SFSWAP: variants seen among roughly 807,000 people sequenced by gnomAD.
SFSWAP encodes the protein splicing factor, suppressor of white-apricot homolog.
In SFSWAP, 17 loss-of-function variants were observed where a neutral mutation model predicts 100.7. The ratio of observed to expected loss-of-function variants is 0.17; its 90% CI spans 0.12 to 0.25. SFSWAP has a LOEUF of 0.25. Ranked by LOEUF, SFSWAP falls within the 10% of genes least tolerant of loss-of-function variation. SFSWAP has a pLI of 1.00. For missense variants in SFSWAP, 1,005 were observed against 1,262.6 expected (o/e 0.80, Z 3.09); for synonymous variants, 504 against 510.1 (o/e 0.99, Z 0.16).
At chr12:131,754,930 A>G (rs931922899) in intron 9 of SFSWAP, among the ~76,000 whole-genome samples, 2 of 152,040 alleles carry the variant, frequency 1.3e-5, no homozygotes, top group African/African-American at 2.4e-5. Context: ...ACCACGCCCA[A>G]CCAATGTCTT....
chr12:131,711,208 C>T lies in SFSWAP; in HGVS notation c.-22C>T, dbSNP rs1877287326. ...GTCGCGCGGCACAGAAGAGGACCAG[C>T]CTGGACGCCGGGGACGCTGTCATGT... On this transcript the variant is annotated 5_prime_UTR_variant, in exon 1 of 18. Coordinates refer to ENST00000261674, the MANE Select transcript of SFSWAP (RefSeq NM_004592.4). This position sits in a 1 kb window ranked among gnomAD's most constrained non-coding sequence, Gnocchi z 4.9. The T allele has an allele frequency of 1.9e-6, 3 of 1,564,424 alleles. No individual in the cohort carries two copies. The highest frequency in any genetic ancestry group is 2.6e-6 in the Non-Finnish European group (3 of 1,158,354).
intron 10 of SFSWAP, 74 bp from the exon 11 acceptor site, chr12:131,756,399 C>A: frequency 2.4e-6 from 3 of 1,227,524 alleles, no homozygotes; most frequent in Non-Finnish European, 3.5e-6. Flanking sequence ...AAACATATAC[C>A]GTATACATCT....
intron 7 of SFSWAP, among the ~76,000 whole-genome samples, chr12:131,752,492 G>C (rs188977790): frequency 3.7e-4 from 57 of 152,332 alleles, no homozygotes; most frequent in Non-Finnish European, 6.5e-4. Flanking sequence ...ATACATCACT[G>C]TCTGTGATGG....
chr12:131,777,558 G>A (rs939048557), intron 13 of SFSWAP, among the ~76,000 whole-genome samples: 4 of 152,152 alleles, frequency 2.6e-5, no homozygotes, highest in Non-Finnish European at 4.4e-5. Flanking sequence ...GGACGTTTGC[G>A]TTGGTTCGAA....
chr12:131,779,428 T>C (rs1183709413), intron 14 of SFSWAP, among the ~76,000 whole-genome samples: 1 of 152,088 alleles, frequency 6.6e-6, no homozygotes, highest in East Asian at 1.9e-4. Flanking sequence ...CAGCAGAAAT[T>C]AAAAATGTAA....
chr12:131,772,331 G>A (rs960822482), intron 13 of SFSWAP, among the ~76,000 whole-genome samples: 3 of 152,166 alleles, frequency 2.0e-5, no homozygotes, highest in Non-Finnish European at 2.9e-5. Flanking sequence ...ACATATTCAG[G>A]TACAGTTGTA....
At chr12:131,732,154 C>A (rs1879576730) in intron 7 of SFSWAP, among the ~76,000 whole-genome samples, 1 of 152,210 alleles carries the variant, frequency 6.6e-6, no homozygotes, top group East Asian at 1.9e-4. Flanking sequence ...AGGTGATCCG[C>A]CCACCTCAGC....
rs1884195999 is a variant in SFSWAP at position 131,778,380 on chromosome 12, C to CGGA, written c.2408+50_2408+51insGGA. ...CTGGTACCCTCATGACCCCCATGTC[C>CGGA]TTCACAGGACACCCAGTAGAGCTAG... On this transcript the variant is annotated intron_variant, in intron 14 of 17. Coordinates refer to ENST00000261674, the MANE Select transcript of SFSWAP (RefSeq NM_004592.4). This position sits in a 1 kb window ranked among gnomAD's most constrained non-coding sequence, Gnocchi z 4.2. 1.3e-6 allele frequency: 2 copies of CGGA among 1,581,356 alleles called. No individual in the cohort carries two copies. Among genetic ancestry groups the CGGA allele is most frequent in the African/African-American group, 2.7e-5 (2 of 73,002 alleles).
At chr12:131,788,955 C>T (rs1243507154) in intron 15 of SFSWAP, among the ~76,000 whole-genome samples, 7 of 152,094 alleles carry the variant, frequency 4.6e-5, no homozygotes, top group South Asian at 4.2e-4. Context: ...TGCCCACTAC[C>T]GAGATTTGCT....
In SFSWAP at chr12:131,730,492, G is replaced by A. The variant is rs999131897; in HGVS notation, c.1081+2064G>A. On this transcript the variant is annotated intron_variant, in intron 7 of 17. Coordinates refer to ENST00000261674, the MANE Select transcript of SFSWAP (RefSeq NM_004592.4). The surrounding 1 kb of genome is among the most constrained non-coding windows in gnomAD (Gnocchi z 4.0). The stretch of plus-strand genomic sequence containing the variant: ...CCGCAGGACCAGGCAGGATGGTGGA[G>A]CCGGCTGGTAGTGGCCGTTCTGTGA... Among the ~76,000 whole-genome samples, 1 of 152,232 alleles carries A rather than the reference G, an allele frequency of 6.6e-6. No homozygotes were observed. Among genetic ancestry groups the A allele is most frequent in the Non-Finnish European group, 1.5e-5 (1 of 68,044 alleles).
intron 11 of SFSWAP, among the ~76,000 whole-genome samples, chr12:131,759,515 G>A (rs1882463980): frequency 6.6e-6 from 1 of 152,160 alleles, no homozygotes; most frequent in Admixed American, 6.5e-5. Context: ...TATGAAAATA[G>A]TAGGCCGGGC....
At chr12:131,745,362 C>G (rs1324805201) in intron 7 of SFSWAP, among the ~76,000 whole-genome samples, 1 of 152,090 alleles carries the variant, frequency 6.6e-6, no homozygotes, top group African/African-American at 2.4e-5. Context: ...GAGATGAAGT[C>G]AGAAGTCATG....
At chr12:131,750,311 T>C (rs532487879) in intron 7 of SFSWAP, among the ~76,000 whole-genome samples, 3 of 152,326 alleles carry the variant, frequency 2.0e-5, no homozygotes, top group South Asian at 4.1e-4. Context: ...CGTCCCACAT[T>C]CTCTGTCGGC....
At chr12:131,727,106 A>G (rs1256362377) in intron 6 of SFSWAP, 54 bp downstream of exon 6, 2 of 1,117,100 alleles carry the variant, frequency 1.8e-6, no homozygotes, top group African/African-American at 1.6e-5. Context: ...ACTTCTGCTA[A>G]TGTAATTTTG....
intron 13 of SFSWAP, among the ~76,000 whole-genome samples, chr12:131,775,331 TGTTGAAAG>T (rs1362007753): frequency 6.6e-6 from 1 of 152,174 alleles, no homozygotes; most frequent in African/African-American, 2.4e-5. Flanking sequence ...TCCCGGGCCT[TGTTGAAAG>T]GACCTGCAGC....
intron 11 of SFSWAP, among the ~76,000 whole-genome samples, chr12:131,763,595 C>T (rs1882854468): frequency 6.6e-6 from 1 of 152,112 alleles, no homozygotes; most frequent in Non-Finnish European, 1.5e-5. Context: ...TTCTGTCACG[C>T]TGGGTTTGAC....
intron 15 of SFSWAP, among the ~76,000 whole-genome samples, chr12:131,790,249 T>C (rs1234372884): frequency 1.3e-5 from 2 of 152,218 alleles, no homozygotes; most frequent in African/African-American, 4.8e-5. Flanking sequence ...TGGCAACCCT[T>C]CCAAGTCAGT....
chr12:131,764,562 A>G lies in SFSWAP; in HGVS notation c.1827A>G (p.Glu609=). The change falls in exon 12 of 18, where the codon GAA becomes GAG. Residue 609 remains glutamate (E), a synonymous_variant. Coordinates refer to ENST00000261674, the MANE Select transcript of SFSWAP (RefSeq NM_004592.4). ...ATGATGACAGTGATGATGATGAAGA[A>G]AGCAAAGAAGGCCAAGAAAGTTCTA... ...KLDDDSDDDE[E]SKEGQESSSS... 1 of 1,614,216 alleles carries G rather than the reference A, an allele frequency of 6.2e-7. No individual in the cohort carries two copies. Among genetic ancestry groups the G allele is most frequent in the South Asian group, 1.1e-5 (1 of 91,082 alleles).
chr12:131,760,931 G>T (rs981717822), intron 11 of SFSWAP, among the ~76,000 whole-genome samples: 3 of 152,182 alleles, frequency 2.0e-5, no homozygotes, highest in African/African-American at 7.2e-5. Flanking sequence ...AATCAGCTAG[G>T]TGTGATGGCG....
Sources: gnomAD v4.1 joint callset for allele counts (sites outside exome capture counted in the v4.1 genomes callset) on GRCh38, gnomAD v4.1.1 for gene constraint, Gnocchi (gnomAD v3.1) non-coding constraint, MANE v1.5 for transcripts, NCBI Gene and HGNC (gene_info 2026-07-23, HGNC 2026-07-21) for gene names.